LHPP: variants seen among roughly 807,000 people sequenced by gnomAD.
The protein encoded by LHPP is phospholysine phosphohistidine inorganic pyrophosphate phosphatase, also known as hLHPP.
Under a neutral mutation model 30.3 loss-of-function variants are expected in LHPP, and 24 were observed. The observed-to-expected ratio is 0.79, with a 90% CI of 0.57 to 1.11. The LOEUF is 1.11. Ranked by LOEUF, LHPP falls within the 50% of genes most tolerant of loss-of-function variation. The pLI, the probability that LHPP is intolerant of heterozygous loss-of-function variation, is 0.00. For missense variants in LHPP, 356 were observed against 367.2 expected, an observed-to-expected ratio of 0.97 and a Z score of 0.25; for synonymous variants, 150 against 157.1, an observed-to-expected ratio of 0.95 and a Z score of 0.34.
intron 6 of LHPP, among the ~76,000 whole-genome samples, chr10:124,526,716 A>G (rs1954748406): frequency 6.6e-6 from 1 of 152,164 alleles, no homozygotes; most frequent in Non-Finnish European, 1.5e-5. Context: ...GAAGTTGGTC[A>G]TTAGACCCCA....
intron 6 of LHPP, among the ~76,000 whole-genome samples, chr10:124,606,659 G>T (rs1479735478): frequency 6.6e-6 from 1 of 152,252 alleles, no homozygotes. Context: ...TGAAGAGACC[G>T]GCCCTGGGCC....
At chr10:124,474,834 C>T (rs1952892188) in intron 1 of LHPP, among the ~76,000 whole-genome samples, 1 of 152,094 alleles carries the variant, frequency 6.6e-6, no homozygotes, top group Non-Finnish European at 1.5e-5. Context: ...TGTAAACTTT[C>T]CCCTCTTTCT....
intron 6 of LHPP, among the ~76,000 whole-genome samples, chr10:124,559,963 C>G (rs1197162241): frequency 6.6e-6 from 1 of 152,242 alleles, no homozygotes; most frequent in African/African-American, 2.4e-5. Context: ...AACCCTGGGG[C>G]TGGGCAAGAC....
intron 6 of LHPP, among the ~76,000 whole-genome samples, chr10:124,530,850 G>T (rs1954883052): frequency 6.6e-6 from 1 of 152,340 alleles, no homozygotes; most frequent in Middle Eastern, 3.4e-3. Context: ...GTCTCCTGCA[G>T]CCCTGGATTC....
chr10:124,470,658 A>G (rs1015273041), intron 1 of LHPP, among the ~76,000 whole-genome samples: 1 of 144,802 alleles, frequency 6.9e-6, no homozygotes, highest in Admixed American at 6.9e-5. Context: ...TAACAACAAC[A>G]ACAACAACAA....
chr10:124,494,450 G>A (rs916342625), intron 3 of LHPP, among the ~76,000 whole-genome samples: 1 of 152,180 alleles, frequency 6.6e-6, no homozygotes, highest in Non-Finnish European at 1.5e-5. Context: ...CATTTCCTGT[G>A]TGGGGTATAT....
At chr10:124,555,030 CTG>C (rs1275103258) in intron 6 of LHPP, among the ~76,000 whole-genome samples, 3 of 152,206 alleles carry the variant, frequency 2.0e-5, no homozygotes, top group Non-Finnish European at 4.4e-5. Flanking sequence ...GGTGAGGAAA[CTG>C]AGGCTCAGAG....
chr10:124,605,996 G>A (rs891012204), intron 6 of LHPP, among the ~76,000 whole-genome samples: 16 of 152,146 alleles, frequency 1.1e-4, no homozygotes, highest in African/African-American at 3.1e-4. Context: ...TTCTACCTCC[G>A]AAACCCGGGC....
intron 2 of LHPP, 91 bp downstream of exon 2, chr10:124,484,417 A>G: frequency 8.0e-7 from 1 of 1,246,060 alleles, no homozygotes; most frequent in Non-Finnish European, 1.1e-6. Context: ...CACTGGGCCA[A>G]ACCACTGACT....
intron 6 of LHPP, among the ~76,000 whole-genome samples, chr10:124,524,524 G>A (rs748020769): frequency 6.6e-6 from 1 of 152,004 alleles, no homozygotes; most frequent in African/African-American, 2.4e-5. Context: ...TGATCCCCCC[G>A]CCTTGACCTC....
At chr10:124,578,958 A>G (rs548277736) in intron 6 of LHPP, among the ~76,000 whole-genome samples, 3 of 63,972 alleles carry the variant, frequency 4.7e-5, no homozygotes, top group African/African-American at 1.2e-4. Flanking sequence ...GCAGGATAGC[A>G]CGGACGGGGG....
At chr10:124,477,333 G>T (rs1484708211) in intron 1 of LHPP, among the ~76,000 whole-genome samples, 1 of 152,172 alleles carries the variant, frequency 6.6e-6, no homozygotes, top group Non-Finnish European at 1.5e-5. Flanking sequence ...GGAAACTGAG[G>T]CATTGAGCTT....
chr10:124,499,269 C>T (rs1372795594), intron 5 of LHPP, among the ~76,000 whole-genome samples: 2 of 151,706 alleles, frequency 1.3e-5, no homozygotes, highest in Non-Finnish European at 2.9e-5. Flanking sequence ...GTCCTCCTGC[C>T]TCGGCCTCCC....
intron 6 of LHPP, among the ~76,000 whole-genome samples, chr10:124,549,007 A>G (rs1186117590): frequency 6.6e-6 from 1 of 152,236 alleles, no homozygotes; most frequent in Admixed American, 6.5e-5. Context: ...AAAACACTTG[A>G]CATCTATTAA....
intron 6 of LHPP, among the ~76,000 whole-genome samples, chr10:124,609,931 G>A (rs912921732): frequency 3.3e-5 from 5 of 152,202 alleles, no homozygotes; most frequent in Non-Finnish European, 7.3e-5. Context: ...TTTTGCTATT[G>A]CAACTAAAGC....
Position 124,539,735 on chromosome 10 carries a change from C to CAAAAA in LHPP, c.716+22477_716+22481dup, listed in dbSNP as rs34308960. Among the ~76,000 whole-genome samples, 173 of 120,842 alleles carry CAAAAA rather than the reference C, an allele frequency of 1.4e-3. 6 individuals carry two copies. The highest frequency in any genetic ancestry group is 2.5e-3 in the East Asian group (10 of 4,056). The allele number at this position is 120,842 out of a possible 152,430, so 79.3% of individuals were successfully genotyped here. A position where few individuals can be genotyped will look rare whatever the true frequency, so the allele number is the denominator to read the frequency against. On this transcript the variant is annotated intron_variant, in intron 6 of 6. Transcript: ENST00000368842. Reference sequence around the variant, plus strand: ...TGGGCGACAGAGCAAAACCCTGTCTCAAAAAAAAAAAAAAAAATTAGTCAG... The same window carrying CAAAAA: ...TGGGCGACAGAGCAAAACCCTGTCTCAAAAAAAAAAAAAAAAAAAAAATTAGTCAG...
At chr10:124,468,420 G>T (rs893112540) in intron 1 of LHPP, among the ~76,000 whole-genome samples, 2 of 152,204 alleles carry the variant, frequency 1.3e-5, no homozygotes, top group Non-Finnish European at 2.9e-5. Context: ...AAGCATATGG[G>T]ATTATTTTTG....
chr10:124,491,925 G>GA (rs1396663005), intron 3 of LHPP, among the ~76,000 whole-genome samples: 1 of 151,966 alleles, frequency 6.6e-6, no homozygotes, highest in Non-Finnish European at 1.5e-5. Flanking sequence ...ACTCCATCTC[G>GA]AAAAAAACAA....
rs558708315 is a variant in LHPP at position 124,585,472 on chromosome 10, A to G, written c.717-27792A>G. 8.0e-3 allele frequency among the ~76,000 whole-genome samples: 1,217 copies of G among 151,982 alleles called. 15 individuals carry two copies. Among genetic ancestry groups the G allele is most frequent in the African/African-American group, 0.029 (1,184 of 41,444 alleles). ...TCTACTAAAATACAAAAAATTAGCCAGGCATGGTGGCTGGCGCCTGTAGTC... is the reference window on the plus strand; with the variant it reads ...TCTACTAAAATACAAAAAATTAGCCGGGCATGGTGGCTGGCGCCTGTAGTC... On this transcript the variant is annotated intron_variant, in intron 6 of 6. Coordinates refer to ENST00000368842, the MANE Select transcript of LHPP (RefSeq NM_022126.4).
Sources: allele counts gnomAD v4.1 joint callset (sites outside exome capture counted in the v4.1 genomes callset), GRCh38; gene constraint gnomAD v4.1.1; transcripts MANE v1.5; gene names NCBI Gene and HGNC (gene_info 2026-07-23, HGNC 2026-07-21).